The following ACOT11 variants were observed in gnomAD, a reference collection of about 807,000 sequenced individuals.
ACOT11 encodes acyl-coenzyme A thioesterase 11.
A neutral mutation model predicts 77.5 loss-of-function variants in ACOT11; 69 were observed. The ratio of observed to expected loss-of-function variants is 0.89; its 90% CI spans 0.73 to 1.09. ACOT11 has a LOEUF of 1.09. Ranked by LOEUF, ACOT11 falls within the 50% of genes least tolerant of loss-of-function variation. The pLI is 0.00. For missense variants in ACOT11, 766 were observed against 813.7 expected, an observed-to-expected ratio of 0.94 and a Z score of 0.71; for synonymous variants, 279 against 313.0, an observed-to-expected ratio of 0.89 and a Z score of 1.15.
chr1:54,628,417 T>C (rs1356461513), intron 15 of ACOT11: 1 of 133,304 alleles, frequency 7.5e-6, no homozygotes, highest in Admixed American at 7.7e-5. Flanking sequence ...GGTGGGAGGA[T>C]TGCTTGAGCC....
chr1:54,581,696 G>A (rs1654314395), intron 1 of ACOT11, among the ~76,000 whole-genome samples: 1 of 152,178 alleles, frequency 6.6e-6, no homozygotes, highest in Non-Finnish European at 1.5e-5. Context: ...CAGTGGTTCA[G>A]CCCCCGCCAC....
downstream of ACOT11, among the ~76,000 whole-genome samples, chr1:54,611,292 G>A (rs1258685984): frequency 6.6e-6 from 1 of 152,044 alleles, no homozygotes; most frequent in Non-Finnish European, 1.5e-5. Context: ...AAAATTAGCC[G>A]GGCATGGTGG....
chr1:54,580,159 T>G (rs959435023), intron 1 of ACOT11, among the ~76,000 whole-genome samples: 8 of 151,986 alleles, frequency 5.3e-5, no homozygotes, highest in African/African-American at 1.9e-4. Flanking sequence ...TTGCTCAAGG[T>G]TATCAACGTT....
Position 54,609,949 on chromosome 1 carries a change from A to C in ACOT11, c.*837A>C, listed in dbSNP as rs775541411. ...GGATCATGCCTTCTGTGTCTGGAAGAGGCGGCAGAGGCAACAGTGTTTAGG... is the reference window on the plus strand; with the variant it reads ...GGATCATGCCTTCTGTGTCTGGAAGCGGCGGCAGAGGCAACAGTGTTTAGG... On this transcript the variant is annotated 3_prime_UTR_variant, in exon 16 of 16. Transcript: ENST00000343744. 6.3e-7 allele frequency: 1 copy of C among 1,597,888 alleles called. No homozygotes were observed. The highest frequency in any genetic ancestry group is 1.1e-5 in the South Asian group (1 of 90,486).
chr1:54,604,566 T>C (rs994607396), intron 12 of ACOT11, 137 bp downstream of exon 12: 2 of 829,550 alleles, frequency 2.4e-6, no homozygotes, highest in African/African-American at 3.4e-5. Context: ...AAGAAACCAG[T>C]CCAGTTATGG....
chr1:54,559,417 G>A (rs1653389111), intron 1 of ACOT11, among the ~76,000 whole-genome samples: 2 of 152,156 alleles, frequency 1.3e-5, no homozygotes, highest in Admixed American at 6.5e-5. Flanking sequence ...TCATCACTCG[G>A]CCCGATGACG....
intron 1 of ACOT11, among the ~76,000 whole-genome samples, chr1:54,572,584 C>T (rs939662832): frequency 2.0e-5 from 3 of 152,056 alleles, no homozygotes; most frequent in Non-Finnish European, 4.4e-5. Flanking sequence ...GGGGGTCACA[C>T]GGAAAGGGCG....
chr1:54,627,288 G>A lies in ACOT11; in HGVS notation c.1630-3446G>A, dbSNP rs987638080. On this transcript the variant is annotated intron_variant, in intron 15 of 16. Transcript: ENST00000371316. ...ACCTGTCCTCCCTGGGAAAGAGGCC[G>A]GCGAGCCGAGCTCTGAGGCACAGAG... Among the ~76,000 whole-genome samples, 5 of 134,834 alleles carry A rather than the reference G, an allele frequency of 3.7e-5. 1 individual carries two copies. Among genetic ancestry groups the A allele is most frequent in the Non-Finnish European group, 6.7e-5 (4 of 59,448 alleles). 88.5% of individuals were successfully genotyped at this position (134,834 alleles called of 152,430 possible).
At position 54,602,607 on chromosome 1, in the gene ACOT11, A is replaced by T. The variant is rs1643977265; in HGVS notation, c.1030-62A>T. 5 of 1,388,042 alleles carry T rather than the reference A, an allele frequency of 3.6e-6. No individual in the cohort carries two copies. In the South Asian group the frequency reaches 8.2e-5, roughly 23 times the overall value. 86.0% of individuals were successfully genotyped at this position (1,388,042 alleles called of 1,614,324 possible). ...GCAGGAACTCCTTGGGCCCTGGGGG[A>T]TGGAGAGGGGGCAGGACGGAGGGTG... On this transcript the variant is annotated intron_variant, in intron 9 of 15. Transcript: ENST00000343744.
At position 54,609,373 on chromosome 1, in the gene ACOT11, C is replaced by CA; in HGVS notation, c.*262dup. On this transcript the variant is annotated 3_prime_UTR_variant, in exon 16 of 16. Transcript: ENST00000343744. ...CCCTAGCTGCCAGCAATGCTGTCCT[C>CA]ACAGAGGCATAGTCGCCCCCAGCTG... 1 of 1,614,146 alleles carries CA rather than the reference C, an allele frequency of 6.2e-7. No individual in the cohort carries two copies. The highest frequency in any genetic ancestry group is 8.5e-7 in the Non-Finnish European group (1 of 1,180,008).
chr1:54,567,558 C>T (rs2100956849), intron 1 of ACOT11, among the ~76,000 whole-genome samples: 1 of 152,174 alleles, frequency 6.6e-6, no homozygotes, highest in African/African-American at 2.4e-5. Context: ...GGATTACAGG[C>T]GTGAGCCACT....
rs1644033785 is a variant in ACOT11 at position 54,607,010 on chromosome 1, C to T, written c.1371-124C>T. 2 of 1,380,660 alleles carry T rather than the reference C, an allele frequency of 1.4e-6. No homozygotes were observed. Among genetic ancestry groups the T allele is most frequent in the Non-Finnish European group, 2.0e-6 (2 of 1,012,972 alleles). 85.5% of individuals were successfully genotyped at this position (1,380,660 alleles called of 1,614,324 possible). A position where few individuals can be genotyped will look rare whatever the true frequency, so the allele number is the denominator to read the frequency against. ...TCCTGCTGGCCCTTGCTGAGCAGTA[C>T]AGGGGGTGACATCCCATCACAGAAG... On this transcript the variant is annotated intron_variant, in intron 13 of 15. Transcript: ENST00000343744. This position sits in a 1 kb window ranked among gnomAD's most constrained non-coding sequence, Gnocchi z 4.5.
intron 15 of ACOT11, among the ~76,000 whole-genome samples, chr1:54,619,051 A>AGACAAG (rs1463950235): frequency 2.6e-5 from 4 of 152,158 alleles, no homozygotes; most frequent in Non-Finnish European, 4.4e-5. Context: ...ACCAGCCCTC[A>AGACAAG]GACCCCAGTT....
intron 7 of ACOT11, chr1:54,598,844 A>G (rs1643919364): frequency 1.4e-5 from 2 of 145,308 alleles, no homozygotes; most frequent in Non-Finnish European, 1.5e-5. Flanking sequence ...CTGTCTCAAA[A>G]AAAAAAAAAA....
rs751016639 is a variant in ACOT11 at position 54,597,331 on chromosome 1, T to C, written c.680T>C (p.Leu227Pro). Reference sequence around the variant, plus strand: ...CGTGTGGAGAGTGTGGAGCTGGTCCTGCCTCCCCACGCCAATCACCAGGGC... The same window carrying C: ...CGTGTGGAGAGTGTGGAGCTGGTCCCGCCTCCCCACGCCAATCACCAGGGC... The part of the protein sequence containing the change: ...KTRVESVELV[L>P]PPHANHQGNT... The change falls in exon 7 of 16, where the codon CTG becomes CCG. Residue 227 changes from leucine (L) to proline (P), a missense_variant. Transcript: ENST00000343744. 1.2e-6 allele frequency: 2 copies of C among 1,613,904 alleles called. No homozygotes were observed. Among genetic ancestry groups the C allele is most frequent in the South Asian group, 2.2e-5 (2 of 91,074 alleles).
intron 15 of ACOT11, chr1:54,619,950 A>G (rs2101024449): frequency 6.2e-7 from 1 of 1,614,146 alleles, no homozygotes; most frequent in Non-Finnish European, 8.5e-7. Flanking sequence ...GATCTGGCCC[A>G]GGCTCAGCAG....
At chr1:54,556,213 G>A (rs1412139091) in intron 1 of ACOT11, among the ~76,000 whole-genome samples, 1 of 152,118 alleles carries the variant, frequency 6.6e-6, no homozygotes, top group Non-Finnish European at 1.5e-5. Context: ...TTATTTTGGA[G>A]CTCTCTATTC....
intron 1 of ACOT11, among the ~76,000 whole-genome samples, chr1:54,574,330 C>T (rs901130917): frequency 1.3e-5 from 2 of 152,162 alleles, no homozygotes; most frequent in African/African-American, 2.4e-5. Context: ...ACTCTGCAGC[C>T]CAGCTGCCCC....
chr1:54,621,738 G>A (rs1239521738), intron 15 of ACOT11: 1 of 152,684 alleles, frequency 6.5e-6, no homozygotes, highest in Admixed American at 6.5e-5. Flanking sequence ...GAGCCCTTGA[G>A]GCTCAGGACT....
Sources: gnomAD v4.1 joint callset for allele counts (sites outside exome capture counted in the v4.1 genomes callset) on GRCh38, gnomAD v4.1.1 for gene constraint, Gnocchi (gnomAD v3.1) non-coding constraint, MANE v1.5 for transcripts, NCBI Gene and HGNC (gene_info 2026-07-23, HGNC 2026-07-21) for gene names.